The following MALRD1 variants were observed in gnomAD, a reference collection of about 807,000 sequenced individuals.
MALRD1 encodes the protein MAM and LDL receptor class A domain containing 1.
MALRD1 carries 247 observed loss-of-function variants against 242.1 expected under a neutral mutation model. The ratio of observed to expected loss-of-function variants is 1.02; its 90% CI spans 0.92 to 1.13. The LOEUF is 1.13. MALRD1 is among the 50% of genes most tolerant of loss of function. The pLI is 0.00. For synonymous variants in MALRD1, 995 were observed against 866.6 expected (o/e 1.15, Z -2.60); for missense variants, 2,989 against 2,533.1 (o/e 1.18, Z -3.86).
intron 11 of MALRD1, among the ~76,000 whole-genome samples, chr10:19,148,788 A>AAATATATATAT (rs1206724666): frequency 2.3e-5 from 2 of 88,016 alleles, no homozygotes; most frequent in Admixed American, 1.1e-4. Flanking sequence ...AAAAAAAAAA[A>AAATATATATAT]ATATATATAT....
intron 24 of MALRD1, among the ~76,000 whole-genome samples, chr10:19,333,347 T>A (rs1843470818): frequency 6.6e-6 from 1 of 152,096 alleles, no homozygotes; most frequent in Admixed American, 6.6e-5. Context: ...CATGTTTATG[T>A]CCACATTTAC....
In MALRD1 at chr10:19,342,212, G is replaced by C. The variant is rs72782376; in HGVS notation, c.3902-5559G>C. 1.6e-3 allele frequency among the ~76,000 whole-genome samples: 244 copies of C among 152,244 alleles called. 1 individual carries two copies. The highest frequency in any genetic ancestry group is 2.7e-3 in the Non-Finnish European group (185 of 68,014). ...TAATTTCACAGTGTACACTGCCTCT[G>C]GGCTAGGGAGTAGTACACCAGTGTG... On this transcript the variant is annotated intron_variant, in intron 24 of 39. Transcript: ENST00000454679.
intron 28 of MALRD1, among the ~76,000 whole-genome samples, chr10:19,400,239 A>G (rs757335466): frequency 6.6e-6 from 1 of 152,186 alleles, no homozygotes; most frequent in African/African-American, 2.4e-5. Flanking sequence ...ATGTCCTTCA[A>G]TATTTAATTC....
chr10:19,279,259 A>G (rs192711213), intron 19 of MALRD1, among the ~76,000 whole-genome samples: 37 of 152,338 alleles, frequency 2.4e-4, no homozygotes, highest in Admixed American at 5.2e-4. Flanking sequence ...TTTTTCAATA[A>G]CTAACATATA....
chr10:19,567,941 G>T (rs1836329252), intron 33 of MALRD1, among the ~76,000 whole-genome samples: 1 of 152,100 alleles, frequency 6.6e-6, no homozygotes, highest in Non-Finnish European at 1.5e-5. Context: ...GAAACCCTGA[G>T]GAAATTTTGT....
At chr10:19,325,831 C>G (rs1350258278) in intron 22 of MALRD1, among the ~76,000 whole-genome samples, 2 of 151,986 alleles carry the variant, frequency 1.3e-5, no homozygotes, top group African/African-American at 4.8e-5. Context: ...CTTTCTTTTT[C>G]CCCAGTAGAG....
At chr10:19,288,373 T>C (rs1362299922) in intron 21 of MALRD1, among the ~76,000 whole-genome samples, 1 of 152,110 alleles carries the variant, frequency 6.6e-6, no homozygotes, top group Non-Finnish European at 1.5e-5. Context: ...TGTTGTGTTA[T>C]TAAATAGGTC....
intron 33 of MALRD1, among the ~76,000 whole-genome samples, chr10:19,593,228 A>G (rs78479199): frequency 0.013 from 1,987 of 152,308 alleles, 20 homozygotes; most frequent in East Asian, 0.035. Flanking sequence ...AGATTAAAAC[A>G]TGATAGCGAT....
At chr10:19,596,881 A>AAAGG (rs1423380336) in intron 34 of MALRD1, among the ~76,000 whole-genome samples, 2 of 151,516 alleles carry the variant, frequency 1.3e-5, no homozygotes, top group Non-Finnish European at 3.0e-5. Flanking sequence ...GGAAGGAAGG[A>AAAGG]AAGGAAGGAA....
rs1834405926 is a variant in MALRD1, at chr10:19,048,893, A to G, written c.-46A>G. On this transcript the variant is annotated 5_prime_UTR_variant, in exon 1 of 40. Coordinates refer to ENST00000454679, the MANE Select transcript of MALRD1 (RefSeq NM_001142308.3). ...AATAAAAGAATGTTTCCAATGATGG[A>G]CTTACTTATTACAACTGCTTGATCT... is the stretch of plus-strand genomic sequence containing the variant. 8.4e-7 allele frequency: 1 copy of G among 1,194,598 alleles called. No homozygotes were observed. The highest frequency in any genetic ancestry group is 4.2e-5 in the Admixed American group (1 of 23,636). 74.0% of individuals were successfully genotyped at this position (1,194,598 alleles called of 1,614,324 possible). A position where few individuals can be genotyped will look rare whatever the true frequency, so the allele number is the denominator to read the frequency against.
chr10:19,297,582 A>C (rs1348512593), intron 21 of MALRD1, among the ~76,000 whole-genome samples: 1 of 151,928 alleles, frequency 6.6e-6, no homozygotes, highest in Non-Finnish European at 1.5e-5. Context: ...TGCCTCATAA[A>C]TGTATAAACT....
At chr10:19,234,628 T>C (rs1021339495) in intron 18 of MALRD1, among the ~76,000 whole-genome samples, 1 of 62,642 alleles carries the variant, frequency 1.6e-5, no homozygotes, top group East Asian at 7.0e-4. Flanking sequence ...AGGGAGCTTA[T>C]CTTTAAAAAA....
At chr10:19,510,766 T>C (rs1177528111) in intron 31 of MALRD1, among the ~76,000 whole-genome samples, 1 of 152,218 alleles carries the variant, frequency 6.6e-6, no homozygotes, top group Non-Finnish European at 1.5e-5. Context: ...TTCCCCATAT[T>C]GTTTACTCCA....
At chr10:19,627,696 G>A (rs187549061) in intron 36 of MALRD1, among the ~76,000 whole-genome samples, 2 of 150,664 alleles carry the variant, frequency 1.3e-5, no homozygotes, top group Non-Finnish European at 2.9e-5. Context: ...GGTGGGCAGA[G>A]GTTTCGCAGT....
intron 14 of MALRD1, among the ~76,000 whole-genome samples, chr10:19,190,627 A>G (rs923048593): frequency 2.7e-5 from 4 of 150,634 alleles, no homozygotes; most frequent in Non-Finnish European, 5.9e-5. Context: ...TACAGAGTCC[A>G]GAAATAAACC....
intron 28 of MALRD1, 57 bp downstream of exon 28, chr10:19,389,666 G>A (rs1454786246): frequency 4.0e-6 from 6 of 1,495,662 alleles, no homozygotes; most frequent in Middle Eastern, 2.3e-4. Context: ...TAGAGACAGG[G>A]TCTTGCTCTG....
chr10:19,405,523 T>C (rs1156349028), intron 28 of MALRD1, among the ~76,000 whole-genome samples: 1 of 152,152 alleles, frequency 6.6e-6, no homozygotes, highest in South Asian at 2.1e-4. Flanking sequence ...AAAGATTCAA[T>C]GGGAGGAAAA....
intron 31 of MALRD1, among the ~76,000 whole-genome samples, chr10:19,515,659 A>G (rs561613937): frequency 6.6e-6 from 1 of 152,116 alleles, no homozygotes; most frequent in South Asian, 2.1e-4. Context: ...TCCCGGGTTC[A>G]CGCCATTCTC....
chr10:19,304,244 A>G (rs892138455), intron 21 of MALRD1, among the ~76,000 whole-genome samples: 1 of 151,588 alleles, frequency 6.6e-6, no homozygotes, highest in African/African-American at 2.4e-5. Context: ...TCAGCTTCTC[A>G]TGTTCTCCAG....
Sources: gnomAD v4.1 joint callset for allele counts (sites outside exome capture counted in the v4.1 genomes callset) on GRCh38, gnomAD v4.1.1 for gene constraint, MANE v1.5 for transcripts, NCBI Gene and HGNC (gene_info 2026-07-23, HGNC 2026-07-21) for gene names.